The following AVEN variants were observed in gnomAD, a reference collection of about 807,000 sequenced individuals.
The protein encoded by AVEN is cell death regulator Aven.
In AVEN, 41 loss-of-function variants were observed where a neutral mutation model predicts 38.1. The observed-to-expected ratio is 1.08, with a 90% CI of 0.84 to 1.40. The LOEUF (loss-of-function observed/expected upper bound fraction) is 1.40. Among genes scored for constraint, AVEN ranks in the 40% most tolerant of loss-of-function variants. The pLI, the probability that AVEN is intolerant of heterozygous loss-of-function variation, is 0.00. For synonymous variants in AVEN, 206 were observed against 171.8 expected, an observed-to-expected ratio of 1.20 and a Z score of -1.56; for missense variants, 605 against 438.8, an observed-to-expected ratio of 1.38 and a Z score of -3.38.
At chr15:34,025,611 A>C (rs1251453678) in intron 1 of AVEN, among the ~76,000 whole-genome samples, 1 of 152,230 alleles carries the variant, frequency 6.6e-6, no homozygotes. Flanking sequence ...TGATTTTGAT[A>C]ATTGTGCAAT....
intron 2 of AVEN, among the ~76,000 whole-genome samples, chr15:33,924,072 C>T (rs1342270763): frequency 3.3e-5 from 5 of 149,368 alleles, no homozygotes; most frequent in Non-Finnish European, 7.6e-5. Context: ...CCTAAACTAT[C>T]CCCCCCTTTT....
chr15:33,905,226 A>C (rs574371289), intron 2 of AVEN, among the ~76,000 whole-genome samples: 28 of 150,070 alleles, frequency 1.9e-4, no homozygotes, highest in African/African-American at 6.8e-4. Flanking sequence ...AAACAAAAAA[A>C]CCCACAGGCT....
chr15:34,053,826 A>G (rs1378079681), intron 5 of AVEN, among the ~76,000 whole-genome samples: 1 of 152,198 alleles, frequency 6.6e-6, no homozygotes, highest in African/African-American at 2.4e-5. Flanking sequence ...AAATTGACAA[A>G]TAGGATCTAA....
chr15:33,959,135 C>T (rs1895073480), intron 2 of AVEN, among the ~76,000 whole-genome samples: 2 of 152,164 alleles, frequency 1.3e-5, no homozygotes, highest in African/African-American at 4.8e-5. Context: ...CTGCATGGTG[C>T]AATCCTAGCT....
rs60296280 is a variant in AVEN at position 34,035,039 on chromosome 15, C to G, written c.267+3741G>C. On this transcript the variant is annotated intron_variant, in intron 1 of 5. Coordinates refer to ENST00000306730, the MANE Select transcript of AVEN (RefSeq NM_020371.3). ...ACACCTGCCTGTAACTGATCTGACA[C>G]CATTTCTTCCCTCCAGGTTCACACT... Among the ~76,000 whole-genome samples, 1,434 of 152,284 alleles carry G rather than the reference C, an allele frequency of 9.4e-3. 28 individuals are homozygous for G. The highest frequency in any genetic ancestry group is 0.033 in the African/African-American group (1,389 of 41,548).
chr15:34,048,522 A>G (rs536216633), intron 5 of AVEN, among the ~76,000 whole-genome samples: 98 of 151,580 alleles, frequency 6.5e-4, no homozygotes, highest in African/African-American at 2.1e-3. Flanking sequence ...CACTCTAGCC[A>G]GGGTTATACA....
In AVEN at chr15:33,867,387, G is replaced by C; in HGVS notation, c.973+108C>G. ...AAATAGATGTCAGTGGACAACACTGGATCAATGTCAGACACCCAGAGGGAT... is the reference window on the plus strand; with the variant it reads ...AAATAGATGTCAGTGGACAACACTGCATCAATGTCAGACACCCAGAGGGAT... On this transcript the variant is annotated intron_variant, in intron 5 of 5. Coordinates refer to ENST00000306730, the MANE Select transcript of AVEN (RefSeq NM_020371.3). 2.1e-6 allele frequency: 3 copies of C among 1,424,914 alleles called. No individual in the cohort carries two copies. The South Asian group carries it at 4.3e-5, about 20-fold the overall frequency. The allele number at this position is 1,424,914 out of a possible 1,614,324, so 88.3% of individuals were successfully genotyped here.
At chr15:33,906,261 A>G (rs609635) in intron 2 of AVEN, among the ~76,000 whole-genome samples, 131,867 of 152,074 alleles carry the variant, frequency 0.87, 59,188 homozygotes, top group Non-Finnish European at 0.98. Flanking sequence ...AATAGGACCC[A>G]CAAGCCCTCC....
At chr15:33,854,577 C>A, downstream of AVEN, 2 of 1,049,196 alleles carry the variant, frequency 1.9e-6, no homozygotes, top group Non-Finnish European at 2.8e-6. Context: ...CTTATACGTG[C>A]TGGGGGAACA....
intron 1 of AVEN, among the ~76,000 whole-genome samples, chr15:34,015,989 G>T (rs1897887035): frequency 6.6e-6 from 1 of 152,070 alleles, no homozygotes; most frequent in Non-Finnish European, 1.5e-5. Flanking sequence ...CATAAAACTG[G>T]AAAGCGGCTG....
chr15:34,064,112 T>C (rs143894075), intron 4 of AVEN: 15 of 1,614,102 alleles, frequency 9.3e-6, no homozygotes, highest in African/African-American at 1.3e-5. Context: ...TCCTGGTTTC[T>C]ACCTTCTGTG....
chr15:33,961,560 T>C (rs1314339968), intron 2 of AVEN, among the ~76,000 whole-genome samples: 3 of 151,306 alleles, frequency 2.0e-5, no homozygotes, highest in African/African-American at 4.9e-5. Context: ...ATGCCTGTAA[T>C]CCCAGCACTT....
At chr15:33,925,344 G>A (rs906592106) in intron 2 of AVEN, among the ~76,000 whole-genome samples, 5 of 152,144 alleles carry the variant, frequency 3.3e-5, no homozygotes, top group African/African-American at 1.2e-4. Context: ...ATAAAACCAG[G>A]ACTGTTCATA....
chr15:34,033,600 TAG>T (rs1265397075), intron 1 of AVEN, among the ~76,000 whole-genome samples: 2 of 152,118 alleles, frequency 1.3e-5, no homozygotes, highest in African/African-American at 4.8e-5. Context: ...CCCAAGCCTG[TAG>T]AGTTATATAA....
chr15:33,962,161 G>T (rs190517804), intron 2 of AVEN, among the ~76,000 whole-genome samples: 3 of 152,012 alleles, frequency 2.0e-5, no homozygotes, highest in Non-Finnish European at 4.4e-5. Flanking sequence ...GTTAAAAACC[G>T]TAATGAAAAA....
At chr15:34,044,180 A>AG (rs753555443), upstream of AVEN, among the ~76,000 whole-genome samples, 2 of 151,752 alleles carry the variant, frequency 1.3e-5, no homozygotes, top group Non-Finnish European at 2.9e-5. Context: ...AAAGTTCCTC[A>AG]GAAGAGTCAT....
At chr15:33,875,464 T>C (rs1307198430) in intron 3 of AVEN, among the ~76,000 whole-genome samples, 1 of 152,310 alleles carries the variant, frequency 6.6e-6, no homozygotes, top group Non-Finnish European at 1.5e-5. Context: ...AAGACTTCTA[T>C]AATATTTGCC....
At chr15:33,908,660 C>T (rs1892801346) in intron 2 of AVEN, among the ~76,000 whole-genome samples, 1 of 152,090 alleles carries the variant, frequency 6.6e-6, no homozygotes, top group South Asian at 2.1e-4. Context: ...TCCTTGTTGT[C>T]GCATGTTTCC....
At chr15:33,897,634 T>C (rs956646894) in intron 2 of AVEN, among the ~76,000 whole-genome samples, 2 of 152,016 alleles carry the variant, frequency 1.3e-5, no homozygotes. Context: ...TCCCAGCACT[T>C]TGGGAGGCTG....
Sources: allele counts gnomAD v4.1 joint callset (sites outside exome capture counted in the v4.1 genomes callset), GRCh38; gene constraint gnomAD v4.1.1; transcripts MANE v1.5; gene names NCBI Gene and HGNC (gene_info 2026-07-23, HGNC 2026-07-21).